The following C11orf54 variants were observed in gnomAD, a reference collection of about 807,000 sequenced individuals.
C11orf54 encodes the protein beta-keto-L-gulonate decarboxylase.
In C11orf54, 29 loss-of-function variants were observed where a neutral mutation model predicts 35.5. The ratio of observed to expected loss-of-function variants is 0.82; its 90% CI spans 0.61 to 1.11. C11orf54 has a LOEUF of 1.11. C11orf54 is among the 50% of genes most tolerant of loss of function. C11orf54 has a pLI of 0.00. For missense variants in C11orf54, 373 were observed against 369.2 expected (o/e 1.01, Z -0.08); for synonymous variants, 108 against 121.1 (o/e 0.89, Z 0.71).
At chr11:93,744,794 G>T (rs1291485974) in intron 1 of C11orf54, among the ~76,000 whole-genome samples, 1 of 152,226 alleles carries the variant, frequency 6.6e-6, no homozygotes, top group Non-Finnish European at 1.5e-5. Flanking sequence ...AGAAAGAACA[G>T]TGGGCCCAGA....
At position 93,753,996 on chromosome 11, in the gene C11orf54, G is replaced by A; in HGVS notation, c.289G>A (p.Ala97Thr). 6.2e-7 allele frequency: 1 copy of A among 1,614,086 alleles called. No individual in the cohort carries two copies. The highest frequency in any genetic ancestry group is 1.7e-5 in the Admixed American group (1 of 60,020). ...GCTGCCTGGAGCCTTTATTCTTGGA[G>A]CAGGAGCAGGTCCATTTCAGACTCT... ...IKLPGAFILG[A>T]GAGPFQTLGF... The change falls in exon 5 of 9, where the codon GCA becomes ACA. Residue 97 changes from alanine to threonine, a missense_variant. Transcript: ENST00000354421.
intron 8 of C11orf54, among the ~76,000 whole-genome samples, chr11:93,760,245 A>G (rs772702735): frequency 5.9e-5 from 9 of 152,208 alleles, no homozygotes; most frequent in African/African-American, 1.7e-4. Flanking sequence ...ATGCCCGGCC[A>G]TGTGTTGTTG....
chr11:93,747,994 A>C (rs933111233), intron 2 of C11orf54, among the ~76,000 whole-genome samples: 1 of 152,224 alleles, frequency 6.6e-6, no homozygotes, highest in Non-Finnish European at 1.5e-5. Flanking sequence ...TGAAGCCAGG[A>C]ATAGTTGTTA....
chr11:93,746,519 A>G (rs1265584395), intron 1 of C11orf54: 2 of 152,352 alleles, frequency 1.3e-5, no homozygotes, highest in Admixed American at 1.3e-4. Context: ...CTTATTTGTT[A>G]CAAAGTATAC....
chr11:93,757,061 CAG>C, intron 6 of C11orf54, among the ~76,000 whole-genome samples: 2 of 152,144 alleles, frequency 1.3e-5, no homozygotes, highest in Admixed American at 6.5e-5. Flanking sequence ...TTGTCTTTCT[CAG>C]TTTCTCAGTT....
Position 93,762,434 on chromosome 11 carries a change from C to T in C11orf54, c.*746C>T, listed in dbSNP as rs576973387. ...AGGTGGCAGGTGGGGAGCCCTTTAC[C>T]CTTCTGGTGAAGTTAAACCATAGAA... On this transcript the variant is annotated 3_prime_UTR_variant, in exon 9 of 9. Coordinates refer to ENST00000354421, the MANE Select transcript of C11orf54 (RefSeq NM_001286069.2). The T allele has an allele frequency of 6.6e-6, 1 of 152,116 alleles. No homozygotes were observed. Among genetic ancestry groups the T allele is most frequent in the Non-Finnish European group, 1.5e-5 (1 of 67,994 alleles). 9.4% of individuals were successfully genotyped at this position (152,116 alleles called of 1,614,324 possible).
rs911441341 is a variant in C11orf54, at chr11:93,761,951, C to T, written c.*263C>T. 2.7e-5 allele frequency: 6 copies of T among 218,496 alleles called. No individual in the cohort carries two copies. The highest frequency in any genetic ancestry group is 1.4e-4 in the African/African-American group (6 of 43,934). 13.5% of individuals were successfully genotyped at this position (218,496 alleles called of 1,614,324 possible). A position where few individuals can be genotyped will look rare whatever the true frequency, so the allele number is the denominator to read the frequency against. On this transcript the variant is annotated 3_prime_UTR_variant, in exon 9 of 9. Transcript: ENST00000354421. ...AGAAATTATCTCACTACTTAAATCC[C>T]ATTTTTTTCACTTCATATGAAAGAA...
In C11orf54 at chr11:93,755,304, T is replaced by C; in HGVS notation, c.425T>C (p.Leu142Pro). 6.2e-7 allele frequency: 1 copy of C among 1,614,192 alleles called. No homozygotes were observed. Among genetic ancestry groups the C allele is most frequent in the Non-Finnish European group, 8.5e-7 (1 of 1,180,024 alleles). Residue 142 changes from leucine (L) to proline (P), a missense_variant, in exon 6 of 9, where the codon CTG becomes CCG. Transcript: ENST00000354421. ...AACCCTGCAGATGGAGGGTGCCTAC[T>C]GGAGAAATACAGTGAGAAATGTCAT... ...HVNPADGGCLLEKYSEKCHDF... is the reference protein window; with the variant it reads ...HVNPADGGCLPEKYSEKCHDF...
Position 93,758,332 on chromosome 11 carries a change from C to T in C11orf54, c.657+867C>T, listed in dbSNP as rs142272201. 8.9e-4 allele frequency among the ~76,000 whole-genome samples: 136 copies of T among 152,332 alleles called. 1 individual carries two copies. The highest frequency in any genetic ancestry group is 3.1e-3 in the African/African-American group (130 of 41,586). On this transcript the variant is annotated intron_variant, in intron 7 of 8. Transcript: ENST00000354421. ...CATCCCTGTGCTCTCCCAGTGGGAA[C>T]AGGCGAGAGCCCCAACTGCCCAGGC...
Position 93,759,809 on chromosome 11 carries a change from A to G in C11orf54, c.725A>G (p.Glu242Gly). Reference sequence around the variant, plus strand: ...GTGAATAAATGGTTGCATTTTTATGAAATGAAAGCTCCTTTGGTTTGTCTA... The same window carrying G: ...GTGAATAAATGGTTGCATTTTTATGGAATGAAAGCTCCTTTGGTTTGTCTA... ...EEVNKWLHFY[E>G]MKAPLVCLPV... The change falls in exon 8 of 9, where the codon GAA (glutamate) becomes GGA (glycine). Residue 242 changes from glutamate (E) to glycine (G), a missense_variant. Coordinates refer to ENST00000354421, the MANE Select transcript of C11orf54 (RefSeq NM_001286069.2). 1 of 1,611,074 alleles carries G rather than the reference A, an allele frequency of 6.2e-7. No homozygotes were observed. The highest frequency in any genetic ancestry group is 8.5e-7 in the Non-Finnish European group (1 of 1,177,994).
chr11:93,758,200 G>A (rs1043408012), intron 7 of C11orf54, among the ~76,000 whole-genome samples: 3 of 152,164 alleles, frequency 2.0e-5, no homozygotes, highest in Non-Finnish European at 2.9e-5. Context: ...CACACTCTAT[G>A]GAGCGGGTGG....
intron 7 of C11orf54, among the ~76,000 whole-genome samples, chr11:93,758,319 C>CCACTGGT (rs1365428241): frequency 1.3e-5 from 2 of 152,238 alleles, no homozygotes; most frequent in Non-Finnish European, 2.9e-5. Flanking sequence ...TCCCTGTGCT[C>CCACTGGT]TCCCAGTGGG....
At position 93,761,808 on chromosome 11, in the gene C11orf54, G is replaced by T; in HGVS notation, c.*120G>T. 1.0e-6 allele frequency: 1 copy of T among 995,748 alleles called. No homozygotes were observed. Among genetic ancestry groups the T allele is most frequent in the Non-Finnish European group, 1.4e-6 (1 of 733,072 alleles). The allele number at this position is 995,748 out of a possible 1,614,324, so 61.7% of individuals were successfully genotyped here. On this transcript the variant is annotated 3_prime_UTR_variant, in exon 9 of 9. Coordinates refer to ENST00000354421, the MANE Select transcript of C11orf54 (RefSeq NM_001286069.2). ...CCACAGGCCAGGCACAATGGCTCAT[G>T]CCTATAATCCCAGCACTTTGGGAGG... is the stretch of plus-strand genomic sequence containing the variant.
At chr11:93,752,877 T>A (rs867765758) in intron 3 of C11orf54, among the ~76,000 whole-genome samples, 11 of 151,278 alleles carry the variant, frequency 7.3e-5, no homozygotes, top group Admixed American at 3.3e-4. Flanking sequence ...GCCTCCTGAG[T>A]AGTACACCCA....
At position 93,755,315 on chromosome 11, in the gene C11orf54, A is replaced by T; in HGVS notation, c.436A>T (p.Ser146Cys). The change falls in exon 6 of 9, where the codon AGT becomes TGT. Residue 146 changes from serine to cysteine, a missense_variant. Coordinates refer to ENST00000354421, the MANE Select transcript of C11orf54 (RefSeq NM_001286069.2). ...TGGAGGGTGCCTACTGGAGAAATAC[A>T]GTGAGAAATGTCATGATTTTCAGTG... ...ADGGCLLEKY[S>C]EKCHDFQCAL... The T allele has an allele frequency of 6.2e-7, 1 of 1,614,196 alleles. No individual in the cohort carries two copies. The highest frequency in any genetic ancestry group is 1.3e-5 in the African/African-American group (1 of 75,050).
At chr11:93,751,516 A>G (rs924023089) in intron 3 of C11orf54, among the ~76,000 whole-genome samples, 4 of 140,982 alleles carry the variant, frequency 2.8e-5, no homozygotes, top group Admixed American at 1.5e-4. Context: ...GCGATTCTCC[A>G]GCCTCAGCCT....
At chr11:93,758,132 A>G (rs1017151912) in intron 7 of C11orf54, among the ~76,000 whole-genome samples, 12 of 152,188 alleles carry the variant, frequency 7.9e-5, no homozygotes, top group Non-Finnish European at 1.5e-5. Context: ...CAACATAGTG[A>G]TGATGGCAGC....
intron 3 of C11orf54, among the ~76,000 whole-genome samples, chr11:93,751,399 GTTTTT>G (rs71064778): frequency 2.7e-5 from 2 of 74,704 alleles, no homozygotes; most frequent in African/African-American, 5.3e-5. Flanking sequence ...CTTTTTTATA[GTTTTT>G]TTTTTTTTTT....
rs1214732966 is a variant in C11orf54 at position 93,752,751 on chromosome 11, T to G, written c.155-931T>G. Among the ~76,000 whole-genome samples, 9 of 145,438 alleles carry G rather than the reference T, an allele frequency of 6.2e-5. No homozygotes were observed. In the East Asian group the frequency reaches 1.8e-3, roughly 29 times the overall value. ...TCTCACCTAGATCTCTCTGGGTTTT[T>G]TTTTTTTTTTTTTTTGAGACGGAGT... On this transcript the variant is annotated intron_variant, in intron 3 of 8. Transcript: ENST00000354421.
Sources: gnomAD v4.1 joint callset for allele counts (sites outside exome capture counted in the v4.1 genomes callset) on GRCh38, gnomAD v4.1.1 for gene constraint, MANE v1.5 for transcripts, NCBI Gene and HGNC (gene_info 2026-07-23, HGNC 2026-07-21) for gene names.